SAMD12: variants seen among roughly 807,000 people sequenced by gnomAD.
SAMD12 encodes sterile alpha motif domain-containing protein 12.
Under a neutral mutation model 15.0 loss-of-function variants are expected in SAMD12, and 9 were observed. The observed-to-expected ratio is 0.60, with a 90% CI of 0.36 to 1.05. The LOEUF (loss-of-function observed/expected upper bound fraction) is 1.05, where lower values mean the gene tolerates loss of function less well. SAMD12 is among the 50% of genes least tolerant of loss of function. The pLI is 0.01. For missense variants in SAMD12, 230 were observed against 234.2 expected (o/e 0.98, Z 0.12); for synonymous variants, 86 against 90.1 (o/e 0.96, Z 0.25).
At chr8:118,326,592 T>C (rs1239857182) in intron 4 of SAMD12, among the ~76,000 whole-genome samples, 1 of 152,164 alleles carries the variant, frequency 6.6e-6, no homozygotes, top group Non-Finnish European at 1.5e-5. Context: ...TGATGCTTAG[T>C]AGAGATCACC....
intron 4 of SAMD12, among the ~76,000 whole-genome samples, chr8:118,348,077 TTATTTTTTA>T (rs1357447607): frequency 6.6e-6 from 1 of 152,210 alleles, no homozygotes; most frequent in African/African-American, 2.4e-5. Context: ...TTACTCATTT[TTATTTTTTA>T]TATTTTTTGA....
downstream of SAMD12, among the ~76,000 whole-genome samples, chr8:118,376,179 T>C (rs982659833): frequency 1.3e-5 from 2 of 152,186 alleles, no homozygotes; most frequent in African/African-American, 4.8e-5. Flanking sequence ...ATTTTTAAAA[T>C]AAATTCCTTT....
At chr8:118,211,168 C>CA (rs1811814354) in intron 4 of SAMD12, among the ~76,000 whole-genome samples, 1 of 152,220 alleles carries the variant, frequency 6.6e-6, no homozygotes, top group Admixed American at 6.5e-5. Flanking sequence ...CTTATCCCCC[C>CA]ATCTAGTTAC....
intron 4 of SAMD12, among the ~76,000 whole-genome samples, chr8:118,256,022 T>C (rs1812931731): frequency 6.6e-6 from 1 of 152,176 alleles, no homozygotes; most frequent in Non-Finnish European, 1.5e-5. Context: ...ACCTGTTGTT[T>C]CCTGACTTTT....
intron 2 of SAMD12, among the ~76,000 whole-genome samples, chr8:118,533,631 A>G (rs899655403): frequency 1.1e-4 from 16 of 152,176 alleles, no homozygotes; most frequent in Non-Finnish European, 1.9e-4. Context: ...CTCCTGTATT[A>G]GATGCATATA....
intron 4 of SAMD12, among the ~76,000 whole-genome samples, chr8:118,321,652 T>C (rs1816291869): frequency 6.6e-6 from 1 of 152,038 alleles, no homozygotes. Flanking sequence ...TCGTAGATAG[T>C]GGAAGGTTTT....
intron 4 of SAMD12, among the ~76,000 whole-genome samples, chr8:118,209,188 AGG>A (rs1370851861): frequency 6.6e-6 from 1 of 152,182 alleles, no homozygotes; most frequent in African/African-American, 2.4e-5. Context: ...TGGAACACAG[AGG>A]GAAATGCAAA....
At chr8:118,289,581 G>A (rs1385701185) in intron 4 of SAMD12, among the ~76,000 whole-genome samples, 1 of 152,330 alleles carries the variant, frequency 6.6e-6, no homozygotes, top group Admixed American at 6.5e-5. Context: ...TTAAAAATAT[G>A]ATGTTGCCAT....
chr8:118,539,796 T>A (rs1252915322), intron 2 of SAMD12, among the ~76,000 whole-genome samples: 1 of 152,096 alleles, frequency 6.6e-6, no homozygotes, highest in African/African-American at 2.4e-5. Flanking sequence ...TGTGCTGCCA[T>A]GTGGACTGGG....
intron 4 of SAMD12, among the ~76,000 whole-genome samples, chr8:118,200,446 A>G: frequency 6.6e-6 from 1 of 151,204 alleles, no homozygotes; most frequent in African/African-American, 2.4e-5. Context: ...ATGAATTTAT[A>G]TTAGAGCAAC....
intron 4 of SAMD12, among the ~76,000 whole-genome samples, chr8:118,217,840 C>T (rs529630320): frequency 3.3e-5 from 5 of 152,148 alleles, no homozygotes; most frequent in Non-Finnish European, 5.9e-5. Flanking sequence ...TCAGCTCTCC[C>T]GATTTTTCTT....
intron 4 of SAMD12, among the ~76,000 whole-genome samples, chr8:118,251,620 T>C (rs983432917): frequency 1.3e-5 from 2 of 152,130 alleles, no homozygotes; most frequent in Non-Finnish European, 2.9e-5. Context: ...GGCCCCAGAA[T>C]TAAAAGCAAG....
At chr8:118,223,223 CA>C (rs1247084241) in intron 4 of SAMD12, among the ~76,000 whole-genome samples, 2 of 152,164 alleles carry the variant, frequency 1.3e-5, no homozygotes, top group Non-Finnish European at 2.9e-5. Flanking sequence ...AAGCCAAACA[CA>C]AACCCTTTTA....
At chr8:118,440,409 C>T (rs1038472138) in intron 2 of SAMD12, among the ~76,000 whole-genome samples, 7 of 152,030 alleles carry the variant, frequency 4.6e-5, no homozygotes, top group African/African-American at 7.2e-5. Context: ...TTTTTAGGAA[C>T]GAATGTTACT....
intron 2 of SAMD12, among the ~76,000 whole-genome samples, chr8:118,462,560 C>G (rs1180283190): frequency 6.6e-6 from 1 of 152,038 alleles, no homozygotes; most frequent in African/African-American, 2.4e-5. Flanking sequence ...GTTCATATAT[C>G]CATCCATCTG....
rs1420966009 is a variant in SAMD12, at chr8:118,208,299, GA to G, written c.434-10568del. On this transcript the variant is annotated intron_variant, in intron 4 of 4. Coordinates refer to the SAMD12 transcript ENST00000409003. Reference sequence around the variant, plus strand: ...AAAATAAAAATAAAAAAGTATTAATGAATAATCCTTACAACAGTGATGACAT... The same window carrying G: ...AAAATAAAAATAAAAAAGTATTAATGATAATCCTTACAACAGTGATGACAT... Among the ~76,000 whole-genome samples, 5 of 152,280 alleles carry G rather than the reference GA, an allele frequency of 3.3e-5. No individual in the cohort carries two copies. The East Asian group carries it at 9.6e-4, about 29-fold the overall frequency.
chr8:118,263,260 C>G (rs977599619), intron 4 of SAMD12, among the ~76,000 whole-genome samples: 3 of 152,020 alleles, frequency 2.0e-5, no homozygotes, highest in African/African-American at 7.2e-5. Flanking sequence ...GTGAAGTATT[C>G]AAATAAATGT....
chr8:118,534,041 T>G (rs1005939238), intron 2 of SAMD12, among the ~76,000 whole-genome samples: 1 of 152,236 alleles, frequency 6.6e-6, no homozygotes. Context: ...CTAGCTTCGA[T>G]GGTCTTTACA....
At chr8:118,280,011 T>G (rs1184690867) in intron 4 of SAMD12, among the ~76,000 whole-genome samples, 1 of 152,234 alleles carries the variant, frequency 6.6e-6, no homozygotes, top group Non-Finnish European at 1.5e-5. Context: ...GATTCAGAGT[T>G]GACTATTGCA....
Sources: gnomAD v4.1 joint callset for allele counts (sites outside exome capture counted in the v4.1 genomes callset) on GRCh38, gnomAD v4.1.1 for gene constraint, MANE v1.5 for transcripts, NCBI Gene and HGNC (gene_info 2026-07-23, HGNC 2026-07-21) for gene names.